Variants in DPYSL3 observed in about 807,000 individuals in gnomAD.
DPYSL3 encodes the protein dihydropyrimidinase like 3.
In DPYSL3, 16 loss-of-function variants were observed where a neutral mutation model predicts 66.1. The observed-to-expected ratio is 0.24, with a 90% CI of 0.16 to 0.37. The LOEUF (loss-of-function observed/expected upper bound fraction) is 0.37, where lower values mean the gene tolerates loss of function less well. DPYSL3 is among the 10% of genes least tolerant of loss of function. The pLI is 1.00. For missense variants in DPYSL3, 738 were observed against 916.2 expected (o/e 0.81, Z 2.51); for synonymous variants, 338 against 345.1 (o/e 0.98, Z 0.23).
rs755214812 is a variant in DPYSL3 at position 147,400,857 on chromosome 5, A to G, written c.1311-24T>C. On this transcript the variant is annotated intron_variant, in intron 9 of 13. Transcript: ENST00000343218. ...CGCTGGCAAAGGAGAAAAGCTCCAC[A>G]TGAACAGGGGAGATGGCTGGAGGCA... 5.6e-6 allele frequency: 9 copies of G among 1,610,904 alleles called. No homozygotes were observed. In the African/African-American group the frequency reaches 8.0e-5, roughly 14 times the overall value.
intron 1 of DPYSL3, among the ~76,000 whole-genome samples, chr5:147,481,050 A>G (rs938396154): frequency 9.9e-5 from 15 of 152,158 alleles, no homozygotes; most frequent in African/African-American, 3.4e-4. Flanking sequence ...AAAATAAAAC[A>G]TATGTATATA....
chr5:147,451,633 G>A (rs188357657), intron 1 of DPYSL3, among the ~76,000 whole-genome samples: 1 of 152,012 alleles, frequency 6.6e-6, no homozygotes, highest in East Asian at 1.9e-4. Flanking sequence ...AGTCTAGGAG[G>A]GAAAAAAAAT....
chr5:147,453,515 C>CGAG (rs1393760137), intron 1 of DPYSL3: 46 of 1,518,750 alleles, frequency 3.0e-5, no homozygotes, highest in Non-Finnish European at 3.9e-5. Flanking sequence ...AGGGAGCGAG[C>CGAG]GAGGAGGGAG....
At chr5:147,506,272 T>G (rs577303592) in intron 1 of DPYSL3, among the ~76,000 whole-genome samples, 10 of 152,204 alleles carry the variant, frequency 6.6e-5, no homozygotes, top group South Asian at 4.1e-4. Flanking sequence ...AAGATTTTTT[T>G]GGGGGTGGTT....
chr5:147,495,777 T>A (rs1026113104), intron 1 of DPYSL3, among the ~76,000 whole-genome samples: 3 of 152,218 alleles, frequency 2.0e-5, no homozygotes, highest in Non-Finnish European at 2.9e-5. Flanking sequence ...GAACATTCCA[T>A]GTTCATGTGT....
chr5:147,508,117 G>T (rs1281596115), intron 1 of DPYSL3, among the ~76,000 whole-genome samples: 2 of 152,180 alleles, frequency 1.3e-5, no homozygotes, highest in Non-Finnish European at 2.9e-5. Flanking sequence ...GGGCTTAGGG[G>T]AATCACGCAC....
chr5:147,418,576 C>T lies in DPYSL3; in HGVS notation c.526G>A (p.Gly176Arg). The change falls in exon 3 of 14, where the codon GGG (glycine) becomes AGG (arginine). Residue 176 changes from glycine to arginine, a missense_variant. Coordinates refer to ENST00000343218, the MANE Select transcript of DPYSL3 (RefSeq NM_001197294.2). ...ATGCCTCCAGGGATCACCATCTTCC[C>T]ATTGGCTTCAATGGTCTTCACTCCT... ...PGGVKTIEAN[G>R]KMVIPGGIDV... The T allele has an allele frequency of 6.2e-7, 1 of 1,612,182 alleles. No individual in the cohort carries two copies. The highest frequency in any genetic ancestry group is 8.5e-7 in the Non-Finnish European group (1 of 1,178,838).
chr5:147,496,955 G>T (rs891198856), intron 1 of DPYSL3, among the ~76,000 whole-genome samples: 3 of 152,144 alleles, frequency 2.0e-5, no homozygotes, highest in African/African-American at 7.2e-5. Context: ...GCACACGTAT[G>T]TTTATAGTGG....
chr5:147,497,457 A>C (rs1028544214), intron 1 of DPYSL3, among the ~76,000 whole-genome samples: 2 of 152,182 alleles, frequency 1.3e-5, no homozygotes, highest in Non-Finnish European at 2.9e-5. Context: ...TAATGAACAA[A>C]GATGCAAAAA....
chr5:147,486,419 T>A lies in DPYSL3; in HGVS notation c.381+23059A>T, dbSNP rs115429481. On this transcript the variant is annotated intron_variant, in intron 1 of 13. Coordinates refer to ENST00000343218, the MANE Select transcript of DPYSL3 (RefSeq NM_001197294.2). Reference sequence around the variant, plus strand: ...ACCTCTCAAGTCCTCAGTTTTCCTATTTGTAGAGTGAAAAGGGTAGGACAA... The same window carrying A: ...ACCTCTCAAGTCCTCAGTTTTCCTAATTGTAGAGTGAAAAGGGTAGGACAA... 8.1e-3 allele frequency among the ~76,000 whole-genome samples: 1,241 copies of A among 152,332 alleles called. 22 individuals carry two copies. Among genetic ancestry groups the A allele is most frequent in the African/African-American group, 0.028 (1,173 of 41,584 alleles).
At chr5:147,434,746 T>C (rs1050601307) in intron 1 of DPYSL3, among the ~76,000 whole-genome samples, 2 of 96,066 alleles carry the variant, frequency 2.1e-5, no homozygotes, top group African/African-American at 4.1e-5. Context: ...GGGCGGGGGG[T>C]AGGGGAACAG....
intron 1 of DPYSL3, among the ~76,000 whole-genome samples, chr5:147,434,063 T>C (rs184601958): frequency 3.3e-5 from 5 of 151,986 alleles, no homozygotes; most frequent in Non-Finnish European, 7.4e-5. Flanking sequence ...TGGTAGGTAT[T>C]ACACATATTA....
intron 8 of DPYSL3, 26 bp downstream of exon 8, chr5:147,405,584 T>C: frequency 6.2e-7 from 1 of 1,600,604 alleles, no homozygotes; most frequent in Non-Finnish European, 8.5e-7. Context: ...CATCAGGGGC[T>C]CCGAGATCTT....
At chr5:147,506,004 A>G (rs916497983) in intron 1 of DPYSL3, among the ~76,000 whole-genome samples, 2 of 151,936 alleles carry the variant, frequency 1.3e-5, no homozygotes, top group African/African-American at 4.8e-5. Context: ...TTGGGACTAA[A>G]CAATTAGTCT....
chr5:147,418,201 C>A (rs186751386), intron 3 of DPYSL3, among the ~76,000 whole-genome samples: 137 of 152,304 alleles, frequency 9.0e-4, no homozygotes, highest in Admixed American at 8.6e-3. Flanking sequence ...GGAGCCAGCG[C>A]CTGCTGCTAA....
intron 1 of DPYSL3, among the ~76,000 whole-genome samples, chr5:147,433,034 C>T (rs533006233): frequency 1.3e-5 from 2 of 152,242 alleles, no homozygotes; most frequent in South Asian, 2.1e-4. Context: ...CCTTGATCTA[C>T]TCAGAAGATT....
At chr5:147,411,294 C>T (rs1751848160) in intron 6 of DPYSL3, among the ~76,000 whole-genome samples, 1 of 152,126 alleles carries the variant, frequency 6.6e-6, no homozygotes. Flanking sequence ...TGTACACTTA[C>T]CTCACCTCCC....
chr5:147,440,099 G>C (rs879411202), intron 1 of DPYSL3, among the ~76,000 whole-genome samples: 5 of 152,058 alleles, frequency 3.3e-5, no homozygotes, highest in African/African-American at 9.7e-5. Context: ...TCAGGAGATC[G>C]AGCCCATCCT....
At chr5:147,415,444 C>G (rs968689408) in intron 4 of DPYSL3, among the ~76,000 whole-genome samples, 8 of 152,180 alleles carry the variant, frequency 5.3e-5, no homozygotes, top group African/African-American at 1.9e-4. Flanking sequence ...GATACACCTA[C>G]TGCTTACTAA....
Sources: gnomAD v4.1 joint callset for allele counts (sites outside exome capture counted in the v4.1 genomes callset) on GRCh38, gnomAD v4.1.1 for gene constraint, MANE v1.5 for transcripts, NCBI Gene and HGNC (gene_info 2026-07-23, HGNC 2026-07-21) for gene names.